HAUS2: variants seen among roughly 807,000 people sequenced by gnomAD.
HAUS2 encodes HAUS augmin-like complex subunit 2.
HAUS2 carries 20 observed loss-of-function variants against 21.6 expected under a neutral mutation model. That is an observed-to-expected ratio of 0.93 (90% CI 0.65 to 1.35). The LOEUF is 1.35. Among genes scored for constraint, HAUS2 ranks in the 40% most tolerant of loss-of-function variants. The pLI, the probability that HAUS2 is intolerant of heterozygous loss-of-function variation, is 0.00. For synonymous variants in HAUS2, 113 were observed against 95.6 expected (o/e 1.18, Z -1.06); for missense variants, 297 against 280.7 (o/e 1.06, Z -0.42).
chr15:42,563,667 A>C, intron 4 of HAUS2, 82 bp from the exon 5 acceptor site: 1 of 762,658 alleles, frequency 1.3e-6, no homozygotes, highest in Non-Finnish European at 2.3e-6. Flanking sequence ...TCTCAAATTA[A>C]AAGTCCTGAT....
At chr15:42,557,442 A>G (rs2057795167) in intron 1 of HAUS2, among the ~76,000 whole-genome samples, 1 of 142,134 alleles carries the variant, frequency 7.0e-6, no homozygotes, top group African/African-American at 2.6e-5. Flanking sequence ...TATAATGTAT[A>G]TTATATATAA....
At chr15:42,565,338 C>G (rs2057895522) in intron 5 of HAUS2, among the ~76,000 whole-genome samples, 1 of 151,270 alleles carries the variant, frequency 6.6e-6, no homozygotes, top group Non-Finnish European at 1.5e-5. Context: ...CCTTAAAAAC[C>G]AGACTAATAA....
chr15:42,553,494 T>C (rs1339806645), intron 1 of HAUS2, among the ~76,000 whole-genome samples: 1 of 150,624 alleles, frequency 6.6e-6, no homozygotes, highest in East Asian at 1.9e-4. Flanking sequence ...TTTTTTTAAA[T>C]GTGTTAAACT....
At chr15:42,565,600 A>G (rs1348644926) in intron 5 of HAUS2, among the ~76,000 whole-genome samples, 1 of 151,936 alleles carries the variant, frequency 6.6e-6, no homozygotes, top group Non-Finnish European at 1.5e-5. Flanking sequence ...GACATCATGC[A>G]CCCTAGAACT....
At chr15:42,550,148 C>T (rs1400571134) in intron 1 of HAUS2, among the ~76,000 whole-genome samples, 1 of 152,046 alleles carries the variant, frequency 6.6e-6, no homozygotes, top group Non-Finnish European at 1.5e-5. Flanking sequence ...CCTGTAGTCC[C>T]AACTACTCCG....
chr15:42,563,995 G>A (rs185275409), intron 5 of HAUS2, 138 bp downstream of exon 5: 454 of 597,430 alleles, frequency 7.6e-4, no homozygotes, highest in Non-Finnish European at 1.2e-3. Context: ...GCCTGGCATG[G>A]TAGTTCACAC....
intron 1 of HAUS2, among the ~76,000 whole-genome samples, chr15:42,550,479 C>T (rs538458536): frequency 6.6e-6 from 1 of 152,142 alleles, no homozygotes; most frequent in African/African-American, 2.4e-5. Flanking sequence ...AGTACTCTCC[C>T]TTTTGACACA....
At chr15:42,549,304 C>G (rs1156315311) in intron 1 of HAUS2, among the ~76,000 whole-genome samples, 1 of 152,048 alleles carries the variant, frequency 6.6e-6, no homozygotes, top group African/African-American at 2.4e-5. Flanking sequence ...ATGGGAAATA[C>G]GGGTCGTTCT....
chr15:42,561,409 C>T lies in HAUS2; in HGVS notation c.389+7C>T. On this transcript the variant is annotated splice_region_variant and intron_variant, in intron 4 of 5. Transcript: ENST00000260372. Reference sequence around the variant, plus strand: ...TTGAAGCTGTTTATCACAGGTTAGACTGAAAAGTAGAAATTAACAGTTACA... The same window carrying T: ...TTGAAGCTGTTTATCACAGGTTAGATTGAAAAGTAGAAATTAACAGTTACA... The T allele has an allele frequency of 6.3e-7, 1 of 1,593,252 alleles. No individual in the cohort carries two copies. Among genetic ancestry groups the T allele is most frequent in the East Asian group, 2.2e-5 (1 of 44,724 alleles).
intron 1 of HAUS2, among the ~76,000 whole-genome samples, chr15:42,557,317 A>AAATATATATATTATATAT (rs1555383468): frequency 0.037 from 1,554 of 42,502 alleles, 95 homozygotes; most frequent in South Asian, 0.059. Context: ...CTCCATTTAA[A>AAATATATATATTATATAT]AATATATATA....
chr15:42,558,337 T>TG, intron 2 of HAUS2, 47 bp downstream of exon 2: 1 of 729,570 alleles, frequency 1.4e-6, no homozygotes, highest in Non-Finnish European at 2.3e-6. Flanking sequence ...TTTTTTTTTT[T>TG]TGAGACGGAG....
chr15:42,549,012 C>A, intron 1 of HAUS2, 47 bp downstream of exon 1: 1 of 1,213,332 alleles, frequency 8.2e-7, no homozygotes, highest in Non-Finnish European at 1.2e-6. Context: ...CCCAAGGTGG[C>A]AACAATATGG....
chr15:42,564,269 A>C, intron 5 of HAUS2, among the ~76,000 whole-genome samples: 1 of 120,962 alleles, frequency 8.3e-6, no homozygotes, highest in South Asian at 2.4e-4. Context: ...ATCTCCCATT[A>C]AAAAAAAAAA....
At position 42,560,673 on chromosome 15, in the gene HAUS2, G is replaced by A. The variant is rs1437772998; in HGVS notation, c.257-597G>A. On this transcript the variant is annotated intron_variant, in intron 3 of 5. Coordinates refer to ENST00000260372, the MANE Select transcript of HAUS2 (RefSeq NM_018097.3). ...ACTCTGTAACCCAGGCTGAAGTACA[G>A]GTCGCTGTAACTTCAACACGTGGTT... is the stretch of plus-strand genomic sequence containing the variant. The A allele has an allele frequency of 8.1e-6, 5 of 614,886 alleles. No homozygotes were observed. The East Asian group carries it at 8.8e-5, about 11-fold the overall frequency. The allele number at this position is 614,886 out of a possible 1,614,324, so 38.1% of individuals were successfully genotyped here.
At chr15:42,558,476 C>G (rs897137832) in intron 2 of HAUS2, among the ~76,000 whole-genome samples, 186 bp downstream of exon 2, 20 of 151,796 alleles carry the variant, frequency 1.3e-4, no homozygotes, top group African/African-American at 4.3e-4. Flanking sequence ...TACAGGCGCC[C>G]GCCACCATGC....
At position 42,558,142 on chromosome 15, in the gene HAUS2, T is replaced by A. The variant is rs2057806176; in HGVS notation, c.94-56T>A. ...TTAGACTATGGGCATGCTATTCCAA[T>A]GTACCTAGAAACTTTTTGTGACATT... On this transcript the variant is annotated intron_variant, in intron 1 of 5. Transcript: ENST00000260372. 5 of 759,048 alleles carry A rather than the reference T, an allele frequency of 6.6e-6. No homozygotes were observed. The Admixed American group carries it at 8.3e-5, about 13-fold the overall frequency. The allele number at this position is 759,048 out of a possible 1,614,324, so 47.0% of individuals were successfully genotyped here.
intron 3 of HAUS2, among the ~76,000 whole-genome samples, chr15:42,560,443 G>C (rs915626712): frequency 6.6e-6 from 1 of 152,016 alleles, no homozygotes; most frequent in Non-Finnish European, 1.5e-5. Flanking sequence ...AGAAAATGTA[G>C]CCAAATGTTA....
At chr15:42,560,945 A>T (rs1316072597) in intron 3 of HAUS2, 2 of 645,722 alleles carry the variant, frequency 3.1e-6, no homozygotes, top group East Asian at 2.7e-5. Context: ...AGGGATAGGA[A>T]AAAAGACTTT....
intron 1 of HAUS2, among the ~76,000 whole-genome samples, chr15:42,554,932 A>C (rs1595547618): frequency 6.6e-6 from 1 of 151,098 alleles, no homozygotes; most frequent in African/African-American, 2.4e-5. Context: ...GGCTCAAGGG[A>C]TCTTCCCACC....
Sources: gnomAD v4.1 joint callset for allele counts (sites outside exome capture counted in the v4.1 genomes callset) on GRCh38, gnomAD v4.1.1 for gene constraint, MANE v1.5 for transcripts, NCBI Gene and HGNC (gene_info 2026-07-23, HGNC 2026-07-21) for gene names.